The following RANBP2 variants were observed in gnomAD, a reference collection of about 807,000 sequenced individuals.
The protein encoded by RANBP2 is E3 SUMO-protein ligase RanBP2.
Under a neutral mutation model 303.6 loss-of-function variants are expected in RANBP2, and 57 were observed. That is an observed-to-expected ratio of 0.19 (90% CI 0.15 to 0.23). The LOEUF is 0.23. RANBP2 is among the 10% of genes least tolerant of loss of function. The probability of loss-of-function intolerance (pLI) is 1.00; values close to 1 mark genes in which losing one functional copy is unlikely to be tolerated. For synonymous variants in RANBP2, 1,167 were observed against 1,301.5 expected (o/e 0.90, Z 2.23); for missense variants, 3,138 against 3,780.8 (o/e 0.83, Z 4.46).
the RANBP2 span, among the ~76,000 whole-genome samples, chr2:108,922,058 C>G: frequency 6.6e-6 from 1 of 152,250 alleles, no homozygotes; most frequent in Non-Finnish European, 1.5e-5. Flanking sequence ...CATTGCTGGA[C>G]TTAGAGAGGC....
At chr2:109,252,946 A>C in the RANBP2 span, among the ~76,000 whole-genome samples, 1 of 152,334 alleles carries the variant, frequency 6.6e-6, no homozygotes, top group East Asian at 1.9e-4. Flanking sequence ...ACTGTAGTCA[A>C]TCACCCTATT....
chr2:109,176,908 G>C, the RANBP2 span, among the ~76,000 whole-genome samples: 5 of 152,210 alleles, frequency 3.3e-5, no homozygotes, highest in Non-Finnish European at 4.4e-5. Context: ...GGATGCATTT[G>C]TCAGGGTGAG....
chr2:109,340,966 G>A, the RANBP2 span, among the ~76,000 whole-genome samples: 1 of 152,214 alleles, frequency 6.6e-6, no homozygotes, highest in Non-Finnish European at 1.5e-5. Context: ...AAATGCTACA[G>A]GCAGCTCTTA....
At chr2:108,971,370 T>C in the RANBP2 span, among the ~76,000 whole-genome samples, 1 of 151,974 alleles carries the variant, frequency 6.6e-6, no homozygotes, top group Non-Finnish European at 1.5e-5. Flanking sequence ...AGACCTCCAG[T>C]ATCAAAATCT....
At chr2:109,057,085 T>C in the RANBP2 span, among the ~76,000 whole-genome samples, 1 of 152,224 alleles carries the variant, frequency 6.6e-6, no homozygotes, top group African/African-American at 2.4e-5. Flanking sequence ...TGAAATGAGT[T>C]TTTGAATACC....
the RANBP2 span, among the ~76,000 whole-genome samples, chr2:108,848,198 A>G: frequency 7.0e-4 from 107 of 152,366 alleles, no homozygotes; most frequent in Non-Finnish European, 1.4e-3. Flanking sequence ...GTCAACATAC[A>G]TTATATCATT....
At chr2:109,179,225 C>G in the RANBP2 span, among the ~76,000 whole-genome samples, 1 of 152,176 alleles carries the variant, frequency 6.6e-6, no homozygotes, top group Non-Finnish European at 1.5e-5. Context: ...GTTCTACTTC[C>G]TGTTCTGACA....
At position 108,777,136 on chromosome 2, in the gene RANBP2, G is replaced by A; in HGVS notation, c.8504G>A (p.Ser2835Asn). 6.2e-7 allele frequency: 1 copy of A among 1,613,094 alleles called. No individual in the cohort carries two copies. Among genetic ancestry groups the A allele is most frequent in the Non-Finnish European group, 8.5e-7 (1 of 1,179,362 alleles). Residue 2835 changes from serine (S) to asparagine (N), a missense_variant, in exon 25 of 29, where the codon AGC becomes AAC. Coordinates refer to ENST00000283195, the MANE Select transcript of RANBP2 (RefSeq NM_006267.5). ...TCTTTTTTTCTTTTGCCAGGGGAAA[G>A]CAAGATAGTTTCATTTGGATTTGGA... ...IDTDSTSQGE[S>N]KIVSFGFGSS...
At chr2:108,843,397 A>T in the RANBP2 span, among the ~76,000 whole-genome samples, 1 of 152,190 alleles carries the variant, frequency 6.6e-6, no homozygotes, top group East Asian at 1.9e-4. Flanking sequence ...ACCTCAAGTG[A>T]TCCACCTGCC....
the RANBP2 span, among the ~76,000 whole-genome samples, chr2:109,453,687 A>G: frequency 1.3e-5 from 2 of 152,220 alleles, no homozygotes; most frequent in African/African-American, 4.8e-5. Flanking sequence ...ATAATGATGG[A>G]AAGGTCAACC....
the RANBP2 span, among the ~76,000 whole-genome samples, chr2:109,292,468 T>C: frequency 6.6e-6 from 1 of 152,242 alleles, no homozygotes; most frequent in Non-Finnish European, 1.5e-5. Flanking sequence ...TTCATAGCTG[T>C]GGAAGAAATC....
chr2:109,524,469 A>AC, the RANBP2 span, among the ~76,000 whole-genome samples: 7,278 of 80,326 alleles, frequency 0.091, 321 homozygotes, highest in African/African-American at 0.16. Context: ...AAAAAAAACA[A>AC]AACAACACTG....
At chr2:109,455,082 G>T in the RANBP2 span, among the ~76,000 whole-genome samples, 5 of 152,246 alleles carry the variant, frequency 3.3e-5, no homozygotes, top group African/African-American at 7.2e-5. Context: ...GACTTGCCTG[G>T]GGCCACACAG....
chr2:108,753,723 C>G (rs1228813579), intron 14 of RANBP2, 102 bp from the exon 15 acceptor site: 2 of 1,598,504 alleles, frequency 1.3e-6, no homozygotes, highest in Non-Finnish European at 1.7e-6. Context: ...TGCCTCAGCT[C>G]CCGAGTAGCT....
At chr2:109,232,054 G>A in the RANBP2 span, among the ~76,000 whole-genome samples, 1 of 152,300 alleles carries the variant, frequency 6.6e-6, no homozygotes, top group African/African-American at 2.4e-5. Flanking sequence ...CATTTGGGTT[G>A]TTTTCACTTT....
At chr2:109,432,159 G>T in the RANBP2 span, among the ~76,000 whole-genome samples, 8 of 152,214 alleles carry the variant, frequency 5.3e-5, no homozygotes. Context: ...CTGGCCCTGG[G>T]ATGCAGTTCA....
At chr2:109,451,063 G>C in the RANBP2 span, among the ~76,000 whole-genome samples, 2 of 152,300 alleles carry the variant, frequency 1.3e-5, no homozygotes, top group Middle Eastern at 3.4e-3. Flanking sequence ...GCAGACATGG[G>C]CCACACCAGG....
chr2:108,925,114 C>T, the RANBP2 span, among the ~76,000 whole-genome samples: 3 of 152,248 alleles, frequency 2.0e-5, no homozygotes, highest in Non-Finnish European at 2.9e-5. Context: ...GGAGGCCCTC[C>T]AGGGCAAGCC....
chr2:108,959,674 G>A, the RANBP2 span, among the ~76,000 whole-genome samples: 160 of 152,240 alleles, frequency 1.1e-3, no homozygotes, highest in African/African-American at 3.3e-3. Context: ...CTGGATGCCC[G>A]GTGAATGGCT....
Sources: gnomAD v4.1 joint callset for allele counts (sites outside exome capture counted in the v4.1 genomes callset) on GRCh38, gnomAD v4.1.1 for gene constraint, MANE v1.5 for transcripts, NCBI Gene and HGNC (gene_info 2026-07-23, HGNC 2026-07-21) for gene names.